CNTN4: variants seen among roughly 807,000 people sequenced by gnomAD.
CNTN4 encodes contactin 4, also known as contactin-4.
CNTN4 carries 77 observed loss-of-function variants against 122.5 expected under a neutral mutation model. The observed-to-expected ratio is 0.63, with a 90% CI of 0.52 to 0.76. The LOEUF (loss-of-function observed/expected upper bound fraction) is 0.76, where lower values mean the gene tolerates loss of function less well. Among genes scored for constraint, CNTN4 ranks in the 30% least tolerant of loss-of-function variants. The probability of loss-of-function intolerance (pLI) is 0.00; values close to 1 mark genes in which losing one functional copy is unlikely to be tolerated. For missense variants in CNTN4, 1,256 were observed against 1,259.1 expected (o/e 1.00, Z 0.04); for synonymous variants, 512 against 447.0 (o/e 1.15, Z -1.83).
intron 3 of CNTN4, among the ~76,000 whole-genome samples, chr3:2,565,646 A>G (rs1043183751): frequency 2.0e-5 from 3 of 152,184 alleles, no homozygotes; most frequent in Admixed American, 1.3e-4. Flanking sequence ...CATATTTTGC[A>G]TTTTACCAAT....
intron 3 of CNTN4, among the ~76,000 whole-genome samples, chr3:2,524,388 T>G (rs1379040526): frequency 6.6e-6 from 1 of 152,146 alleles, no homozygotes; most frequent in Non-Finnish European, 1.5e-5. Flanking sequence ...ATTCTTTAGT[T>G]GATGGACATT....
At chr3:2,977,785 G>A (rs1461014536) in intron 13 of CNTN4, among the ~76,000 whole-genome samples, 1 of 152,194 alleles carries the variant, frequency 6.6e-6, no homozygotes, top group African/African-American at 2.4e-5. Context: ...ATCTCAAAAT[G>A]TGACCTTATT....
At chr3:2,618,234 T>G (rs964543291) in intron 4 of CNTN4, among the ~76,000 whole-genome samples, 2 of 121,420 alleles carry the variant, frequency 1.6e-5, no homozygotes, top group African/African-American at 5.9e-5. Context: ...TTGTAAAAAT[T>G]AAATGTGGGT....
chr3:2,731,171 C>T (rs1227296066), intron 4 of CNTN4, among the ~76,000 whole-genome samples: 17 of 151,904 alleles, frequency 1.1e-4, no homozygotes, highest in Admixed American at 1.1e-3. Context: ...CAGATTAGCC[C>T]AGAGACACTA....
chr3:2,313,861 ACTTAGTGATT>A (rs1276937500), intron 2 of CNTN4, among the ~76,000 whole-genome samples: 1 of 151,940 alleles, frequency 6.6e-6, no homozygotes, highest in Non-Finnish European at 1.5e-5. Flanking sequence ...ACTTTGTTTA[ACTTAGTGATT>A]CTTAAAGTTT....
chr3:2,863,817 G>A (rs1036084493), intron 7 of CNTN4, among the ~76,000 whole-genome samples: 1 of 152,084 alleles, frequency 6.6e-6, no homozygotes, highest in Non-Finnish European at 1.5e-5. Context: ...TTGAAACTCC[G>A]TTTTACTTTG....
chr3:2,774,531 T>C (rs2091236610), intron 6 of CNTN4, among the ~76,000 whole-genome samples: 1 of 152,168 alleles, frequency 6.6e-6, no homozygotes, highest in Non-Finnish European at 1.5e-5. Context: ...AAAATAATGG[T>C]TGCTCTTCAC....
intron 3 of CNTN4, among the ~76,000 whole-genome samples, chr3:2,451,628 G>A (rs1332905793): frequency 6.6e-6 from 1 of 151,878 alleles, no homozygotes; most frequent in Non-Finnish European, 1.5e-5. Context: ...CCATATAAAT[G>A]TAGTTATCCT....
At chr3:2,912,330 C>T (rs954021676) in intron 12 of CNTN4, among the ~76,000 whole-genome samples, 5 of 152,270 alleles carry the variant, frequency 3.3e-5, no homozygotes, top group East Asian at 1.9e-4. Context: ...ATACTATATC[C>T]GGTAAAACTG....
intron 6 of CNTN4, among the ~76,000 whole-genome samples, chr3:2,781,017 A>G (rs1468563938): frequency 2.0e-5 from 3 of 152,176 alleles, no homozygotes; most frequent in Non-Finnish European, 4.4e-5. Context: ...CAAATCAACT[A>G]TGGTCCTGCC....
At chr3:2,718,526 A>G (rs1341393771) in intron 4 of CNTN4, among the ~76,000 whole-genome samples, 2 of 152,182 alleles carry the variant, frequency 1.3e-5, no homozygotes, top group African/African-American at 4.8e-5. Flanking sequence ...TGAGATAGTC[A>G]TTACCCAGAC....
At chr3:2,553,246 C>A (rs563124922) in intron 3 of CNTN4, among the ~76,000 whole-genome samples, 1 of 152,274 alleles carries the variant, frequency 6.6e-6, no homozygotes, top group South Asian at 2.1e-4. Context: ...AGAACTGAAA[C>A]CTCCCATGAG....
intron 3 of CNTN4, among the ~76,000 whole-genome samples, chr3:2,359,606 C>A (rs998488391): frequency 6.6e-6 from 1 of 152,162 alleles, no homozygotes; most frequent in East Asian, 1.9e-4. Context: ...GTGGCAGGAT[C>A]TAGGCTCACT....
At chr3:2,915,228 G>C (rs993762504) in intron 12 of CNTN4, among the ~76,000 whole-genome samples, 1 of 152,166 alleles carries the variant, frequency 6.6e-6, no homozygotes, top group African/African-American at 2.4e-5. Flanking sequence ...AACATGGCTG[G>C]CTAATTTTTG....
intron 2 of CNTN4, among the ~76,000 whole-genome samples, chr3:2,142,057 A>G (rs1283681602): frequency 1.3e-5 from 2 of 152,170 alleles, no homozygotes; most frequent in East Asian, 3.9e-4. Context: ...CACGTTAATG[A>G]TTTCTGTCGT....
At chr3:2,811,781 C>G (rs558979898) in intron 6 of CNTN4, among the ~76,000 whole-genome samples, 2 of 148,756 alleles carry the variant, frequency 1.3e-5, no homozygotes, top group South Asian at 4.3e-4. Context: ...TCTCCTGCCT[C>G]TCAGCCTCCA....
At chr3:2,752,346 A>G (rs968347888) in intron 6 of CNTN4, among the ~76,000 whole-genome samples, 4 of 152,090 alleles carry the variant, frequency 2.6e-5, no homozygotes, top group Non-Finnish European at 2.9e-5. Flanking sequence ...AAATTAGAGT[A>G]AATTGGTTTT....
chr3:2,614,954 A>T (rs2081649282), intron 4 of CNTN4, among the ~76,000 whole-genome samples: 1 of 152,158 alleles, frequency 6.6e-6, no homozygotes, highest in Non-Finnish European at 1.5e-5. Flanking sequence ...GTACTTATTT[A>T]TTGAAACATT....
chr3:3,009,835 A>G (rs1270902377), intron 14 of CNTN4, among the ~76,000 whole-genome samples: 1 of 152,206 alleles, frequency 6.6e-6, no homozygotes, highest in Non-Finnish European at 1.5e-5. Flanking sequence ...TGTGGCACGA[A>G]AAAGCCTATG....
Sources: allele counts gnomAD v4.1 joint callset (sites outside exome capture counted in the v4.1 genomes callset), GRCh38; gene constraint gnomAD v4.1.1; transcripts MANE v1.5; gene names NCBI Gene and HGNC (gene_info 2026-07-23, HGNC 2026-07-21).